The following S100A13 variants were observed in gnomAD, a reference collection of about 807,000 sequenced individuals.
S100A13 encodes the protein S100 calcium binding protein A13, also known as protein S100-A13.
In S100A13, 6 loss-of-function variants were observed where a neutral mutation model predicts 8.2. The observed-to-expected ratio is 0.73, with a 90% CI of 0.40 to 1.44. The LOEUF is 1.44. Ranked by LOEUF, S100A13 falls within the 40% of genes most tolerant of loss-of-function variation. The probability of loss-of-function intolerance (pLI) is 0.02; values close to 1 mark genes in which losing one functional copy is unlikely to be tolerated. For missense variants in S100A13, 114 were observed against 113.6 expected (o/e 1.00, Z -0.02); for synonymous variants, 39 against 45.9 (o/e 0.85, Z 0.61).
chr1:153,630,906 C>T (rs999531772), upstream of S100A13: 4 of 496,966 alleles, frequency 8.0e-6, no homozygotes, highest in African/African-American at 7.7e-5. Context: ...ATAAGACACA[C>T]AGACTTAGAA....
Position 153,620,876 on chromosome 1 carries a change from G to A in S100A13, c.154-1838C>T, listed in dbSNP as rs1242699836. Among the ~76,000 whole-genome samples the A allele has an allele frequency of 5.3e-5, 8 of 151,916 alleles. No homozygotes were observed. In the South Asian group the frequency reaches 1.2e-3, roughly 24 times the overall value. On this transcript the variant is annotated intron_variant, in intron 2 of 2. Transcript: ENST00000476133. The stretch of plus-strand genomic sequence containing the variant: ...AGCCCAGGAGTTCAAGACCAGCCAG[G>A]GCAACATTGTGAGACACCCATCTCT...
Position 153,626,475 on chromosome 1 carries a change from G to A in S100A13, c.-3C>T. 6.2e-7 allele frequency: 1 copy of A among 1,614,082 alleles called. No individual in the cohort carries two copies. The highest frequency in any genetic ancestry group is 8.5e-7 in the Non-Finnish European group (1 of 1,179,930). On this transcript the variant is annotated 5_prime_UTR_variant, in exon 2 of 3. Transcript: ENST00000476133. Reference sequence around the variant, plus strand: ...TCTGTCAGTGGTTCTGCTGCCATTAGGACCCTGAGGCCAAAGCTGATGTCC... The same window carrying A: ...TCTGTCAGTGGTTCTGCTGCCATTAAGACCCTGAGGCCAAAGCTGATGTCC...
At chr1:153,633,276 G>C (rs1184713740), upstream of S100A13, 1 of 152,226 alleles carries the variant, frequency 6.6e-6, no homozygotes, top group Non-Finnish European at 1.5e-5. Flanking sequence ...GAGCCCAGTA[G>C]GTCAAGGCTG....
chr1:153,620,362 G>A (rs1416938610), intron 2 of S100A13, among the ~76,000 whole-genome samples: 1 of 151,616 alleles, frequency 6.6e-6, no homozygotes, highest in African/African-American at 2.4e-5. Flanking sequence ...TTGGGAGGCT[G>A]AATCAGAAGA....
upstream of S100A13, chr1:153,627,681 G>C: frequency 6.0e-6 from 1 of 167,998 alleles, no homozygotes; most frequent in Non-Finnish European, 1.3e-5. Flanking sequence ...CCACACGAGC[G>C]CCCCCACTTG....
chr1:153,620,550 T>A (rs536553676), intron 2 of S100A13, among the ~76,000 whole-genome samples: 4 of 151,532 alleles, frequency 2.6e-5, no homozygotes, highest in Admixed American at 6.6e-5. Context: ...AGCCCTGGAT[T>A]CAACCAACCT....
chr1:153,624,802 C>T (rs1667501843), intron 2 of S100A13, among the ~76,000 whole-genome samples: 1 of 152,076 alleles, frequency 6.6e-6, no homozygotes, highest in Non-Finnish European at 1.5e-5. Context: ...AGGCCAGGCG[C>T]GGTGGCTCAC....
At chr1:153,621,584 C>T (rs2101559569) in intron 2 of S100A13, among the ~76,000 whole-genome samples, 1 of 151,528 alleles carries the variant, frequency 6.6e-6, no homozygotes, top group African/African-American at 2.4e-5. Flanking sequence ...ACCAGCCTGG[C>T]CAACGTGATG....
chr1:153,630,523 T>C (rs1185184898), upstream of S100A13: 3 of 1,614,088 alleles, frequency 1.9e-6, no homozygotes, highest in Admixed American at 3.3e-5. Flanking sequence ...ACTGCTGCAA[T>C]GGGCTCTGAG....
rs185486000 is a variant in S100A13 at position 153,622,191 on chromosome 1, G to A, written c.154-3153C>T. 5.4e-3 allele frequency among the ~76,000 whole-genome samples: 828 copies of A among 152,194 alleles called. 3 individuals are homozygous for A. Among genetic ancestry groups the A allele is most frequent in the African/African-American group, 0.016 (649 of 41,524 alleles). ...GCGAGACCAGCCTGGCCAACATGGC[G>A]AAACCTCGTCTCTACTAAAAATACA... is the stretch of plus-strand genomic sequence containing the variant. On this transcript the variant is annotated intron_variant, in intron 2 of 2. Transcript: ENST00000476133.
intron 2 of S100A13, among the ~76,000 whole-genome samples, chr1:153,624,854 C>T (rs765560298): frequency 1.3e-5 from 2 of 152,180 alleles, no homozygotes; most frequent in Non-Finnish European, 2.9e-5. Flanking sequence ...GCAGGTGGAT[C>T]ACCTGAGATC....
At chr1:153,630,750 T>G (rs1667967993), upstream of S100A13, 1 of 1,515,396 alleles carries the variant, frequency 6.6e-7, no homozygotes, top group African/African-American at 1.4e-5. Flanking sequence ...CCACCCCACC[T>G]CCAGCTCAGC....
rs201928798 is a variant in S100A13, at chr1:153,618,891, G to A, written c.*4C>T. 85 of 1,613,730 alleles carry A rather than the reference G, an allele frequency of 5.3e-5. No homozygotes were observed. The highest frequency in any genetic ancestry group is 6.8e-5 in the Non-Finnish European group (80 of 1,179,916). On this transcript the variant is annotated 3_prime_UTR_variant, in exon 3 of 3. Coordinates refer to ENST00000476133, the MANE Select transcript of S100A13 (RefSeq NM_001024211.2). ...CCTGCCCACCCCATCTCAGCCAGGC[G>A]GCTTTACTTCTTCCTGATCTTCAGG...
Position 153,621,268 on chromosome 1 carries a change from T to C in S100A13, c.154-2230A>G, listed in dbSNP as rs376917572. On this transcript the variant is annotated intron_variant, in intron 2 of 2. Transcript: ENST00000476133. ...ACCTTCTGGGTTCAAGCAATTCTCC[T>C]GCCTCAGCCTCCCGAGGAGCTGGGA... is the stretch of plus-strand genomic sequence containing the variant. Among the ~76,000 whole-genome samples, 10 of 151,652 alleles carry C rather than the reference T, an allele frequency of 6.6e-5. No individual in the cohort carries two copies. The East Asian group carries it at 2.0e-3, about 30-fold the overall frequency.
rs190035397 is a variant in S100A13 at position 153,626,236 on chromosome 1, C to T, written c.153+84G>A. ...CCCACACCCTTTCTTGTGGTCACCT[C>T]ACCGTACTCGGCACCATCACGTCCT... On this transcript the variant is annotated intron_variant, in intron 2 of 2. Transcript: ENST00000476133. 2.2e-5 allele frequency: 28 copies of T among 1,272,792 alleles called. No homozygotes were observed. The East Asian group carries it at 6.0e-4, about 27-fold the overall frequency. 78.8% of individuals were successfully genotyped at this position (1,272,792 alleles called of 1,614,324 possible). A position where few individuals can be genotyped will look rare whatever the true frequency, so the allele number is the denominator to read the frequency against.
intron 2 of S100A13, among the ~76,000 whole-genome samples, chr1:153,624,012 T>C (rs778044854): frequency 1.3e-5 from 2 of 152,066 alleles, no homozygotes; most frequent in African/African-American, 2.4e-5. Context: ...GGAAGGGCAA[T>C]GAGGACCCGA....
In S100A13 at chr1:153,619,043, G is replaced by T. The variant is rs1557919898; in HGVS notation, c.154-5C>A. 1.9e-6 allele frequency: 3 copies of T among 1,612,940 alleles called. No individual in the cohort carries two copies. The highest frequency in any genetic ancestry group is 2.5e-6 in the Non-Finnish European group (3 of 1,179,380). ...CTCATCAAGAGAGCCCACATCCTGA[G>T]GAGACACCAAAGGGAAGGGTAGAGT... On this transcript the variant is annotated splice_region_variant and splice_polypyrimidine_tract_variant and intron_variant, in intron 2 of 2. Transcript: ENST00000476133.
In S100A13 at chr1:153,624,021, G is replaced by A. The variant is rs747106320; in HGVS notation, c.153+2299C>T. ...TGAGGAGGAAGGGCAATGAGGACCC[G>A]AGGGATGTTGATGGAAGATGCAAAA... On this transcript the variant is annotated intron_variant, in intron 2 of 2. Transcript: ENST00000476133. Among the ~76,000 whole-genome samples the A allele has an allele frequency of 1.6e-4, 25 of 152,288 alleles. No homozygotes were observed. The South Asian group carries it at 3.5e-3, about 21-fold the overall frequency.
intron 2 of S100A13, among the ~76,000 whole-genome samples, chr1:153,620,976 C>T (rs2101552993): frequency 6.6e-6 from 1 of 151,924 alleles, no homozygotes; most frequent in South Asian, 2.1e-4. Flanking sequence ...GAACAATTCC[C>T]ATGGATACAA....
Sources: allele counts gnomAD v4.1 joint callset (sites outside exome capture counted in the v4.1 genomes callset), GRCh38; gene constraint gnomAD v4.1.1; transcripts MANE v1.5; gene names NCBI Gene and HGNC (gene_info 2026-07-23, HGNC 2026-07-21).